The following SMAD6 variants were observed in gnomAD, a reference collection of about 807,000 sequenced individuals.
SMAD6 encodes the protein SMAD family member 6.
SMAD6 carries 103 observed loss-of-function variants against 39.4 expected under a neutral mutation model. That is an observed-to-expected ratio of 2.62 (90% CI 2.23 to 3.08). SMAD6 has a LOEUF of 3.08. SMAD6 is among the 30% of genes most tolerant of loss of function. The probability of loss-of-function intolerance (pLI) is 0.00; values close to 1 mark genes in which losing one functional copy is unlikely to be tolerated. For synonymous variants in SMAD6, 445 were observed against 353.3 expected (o/e 1.26, Z -2.91); for missense variants, 1,104 against 742.9 (o/e 1.49, Z -5.65).
chr15:66,734,390 C>T (rs1893679097), intron 3 of SMAD6, among the ~76,000 whole-genome samples: 1 of 152,198 alleles, frequency 6.6e-6, no homozygotes, highest in East Asian at 1.9e-4. Context: ...AAGCAACCTC[C>T]TCTCCCTTGG....
At chr15:66,735,355 G>A (rs1040762876) in intron 3 of SMAD6, among the ~76,000 whole-genome samples, 15 of 152,228 alleles carry the variant, frequency 9.9e-5, no homozygotes, top group African/African-American at 3.1e-4. Context: ...ATCAGGGAAG[G>A]AAGTCAAAAC....
At chr15:66,714,039 C>T (rs2140600274) in intron 2 of SMAD6, among the ~76,000 whole-genome samples, 1 of 152,290 alleles carries the variant, frequency 6.6e-6, no homozygotes, top group African/African-American at 2.4e-5. Context: ...CTCAGCATTT[C>T]CTAAGTCAGC....
chr15:66,758,082 G>A (rs564045726), intron 3 of SMAD6, among the ~76,000 whole-genome samples: 45 of 152,328 alleles, frequency 3.0e-4, no homozygotes, highest in African/African-American at 1.0e-3. Context: ...GCGGGTGGAC[G>A]CAGTGGCAGG....
At chr15:66,737,131 C>T (rs1893726616) in intron 3 of SMAD6, among the ~76,000 whole-genome samples, 1 of 152,258 alleles carries the variant, frequency 6.6e-6, no homozygotes, top group Admixed American at 6.5e-5. Context: ...CATCACTTCT[C>T]TTTTCAGCAT....
chr15:66,713,426 T>C (rs1893269225), intron 2 of SMAD6, among the ~76,000 whole-genome samples: 1 of 152,182 alleles, frequency 6.6e-6, no homozygotes, highest in Non-Finnish European at 1.5e-5. Flanking sequence ...TTCAAGCGAT[T>C]CTTCTGCCTC....
intron 3 of SMAD6, among the ~76,000 whole-genome samples, chr15:66,763,726 A>G (rs1595794891): frequency 6.6e-6 from 1 of 152,228 alleles, no homozygotes; most frequent in Admixed American, 6.5e-5. Flanking sequence ...TAAATCACCA[A>G]GGAAGCCACA....
In SMAD6 at chr15:66,748,220, T is replaced by A. The variant is rs1041370464; in HGVS notation, c.952+31722T>A. Among the ~76,000 whole-genome samples, 158 of 151,066 alleles carry A rather than the reference T, an allele frequency of 1.0e-3. 1 individual carries two copies. Among genetic ancestry groups the A allele is most frequent in the Middle Eastern group, 6.8e-3 (2 of 292 alleles). ...ATTTCTTCCCATTTTTTTTTTTTTT[T>A]AAATAAGGAGTAGCCCCAGAGAGAA... On this transcript the variant is annotated intron_variant, in intron 3 of 3. Transcript: ENST00000288840.
chr15:66,729,181 T>G (rs1893577648), intron 3 of SMAD6, among the ~76,000 whole-genome samples: 1 of 152,036 alleles, frequency 6.6e-6, no homozygotes, highest in South Asian at 2.1e-4. Context: ...CACACGGAGG[T>G]GGTGGCCATC....
intron 3 of SMAD6, among the ~76,000 whole-genome samples, chr15:66,761,077 C>G (rs1473405321): frequency 6.6e-6 from 1 of 152,152 alleles, no homozygotes; most frequent in East Asian, 1.9e-4. Flanking sequence ...CTCTTTAACC[C>G]TTTTATTTTT....
intron 2 of SMAD6, among the ~76,000 whole-genome samples, chr15:66,711,988 G>A (rs898246093): frequency 6.6e-6 from 1 of 152,174 alleles, no homozygotes; most frequent in Non-Finnish European, 1.5e-5. Flanking sequence ...TTTAAACATG[G>A]GCCTGTCGAA....
In SMAD6 at chr15:66,703,192, C is replaced by T; in HGVS notation, c.-67C>T. The T allele has an allele frequency of 8.2e-7, 1 of 1,226,458 alleles. No homozygotes were observed. The highest frequency in any genetic ancestry group is 3.2e-5 in the East Asian group (1 of 31,498). The allele number at this position is 1,226,458 out of a possible 1,614,324, so 76.0% of individuals were successfully genotyped here. A position where few individuals can be genotyped will look rare whatever the true frequency, so the allele number is the denominator to read the frequency against. On this transcript the variant is annotated 5_prime_UTR_variant, in exon 1 of 4. Transcript: ENST00000288840. ...TGCGACCCGCGCAGCCGGCGCCTCG[C>T]TGAGGGAACGGACCCCCGGTAACCG...
intron 2 of SMAD6, among the ~76,000 whole-genome samples, chr15:66,712,386 G>A (rs1893248895): frequency 6.6e-6 from 1 of 152,178 alleles, no homozygotes; most frequent in South Asian, 2.1e-4. Context: ...GTAGATGTAA[G>A]TGGTTTCAAA....
intron 3 of SMAD6, among the ~76,000 whole-genome samples, chr15:66,727,615 C>T (rs2140620642): frequency 6.6e-6 from 1 of 152,226 alleles, no homozygotes; most frequent in Non-Finnish European, 1.5e-5. Context: ...ATGAGCCCCA[C>T]AGGGAGAGGG....
rs184664111 is a variant in SMAD6 at position 66,733,152 on chromosome 15, A to G, written c.952+16654A>G. ...CTTTCTGGATTCTTAACTTTGTCCCATGGTCTACGTGTCTATCCTTTTACC... is the reference window on the plus strand; with the variant it reads ...CTTTCTGGATTCTTAACTTTGTCCCGTGGTCTACGTGTCTATCCTTTTACC... On this transcript the variant is annotated intron_variant, in intron 3 of 3. Coordinates refer to ENST00000288840, the MANE Select transcript of SMAD6 (RefSeq NM_005585.5). Among the ~76,000 whole-genome samples, 13 of 152,260 alleles carry G rather than the reference A, an allele frequency of 8.5e-5. 1 individual carries two copies. In the South Asian group the frequency reaches 2.3e-3, roughly 27 times the overall value.
chr15:66,715,563 G>A (rs780197316), intron 2 of SMAD6, among the ~76,000 whole-genome samples: 1 of 152,132 alleles, frequency 6.6e-6, no homozygotes, highest in Non-Finnish European at 1.5e-5. Context: ...GTCCCTTAAC[G>A]GGGACAACAC....
chr15:66,721,611 A>C (rs1044187600), intron 3 of SMAD6, among the ~76,000 whole-genome samples: 2 of 152,048 alleles, frequency 1.3e-5, no homozygotes, highest in Non-Finnish European at 2.9e-5. Flanking sequence ...CAGTTTTCTC[A>C]CTTGTAAAAT....
chr15:66,713,139 C>T (rs1384407619), intron 2 of SMAD6, among the ~76,000 whole-genome samples: 1 of 152,180 alleles, frequency 6.6e-6, no homozygotes, highest in Non-Finnish European at 1.5e-5. Context: ...TTGGCCCTGA[C>T]AGTACCAGGA....
At position 66,702,244 on chromosome 15, in the gene SMAD6, G is replaced by C. The variant is rs2140578115; in HGVS notation, c.-1015G>C. ...AAAGTGTCTAGACTGGCATATGATG[G>C]GAGGCAGCCAATGACTCCGCGGCGC... On this transcript the variant is annotated 5_prime_UTR_variant, in exon 1 of 4. Transcript: ENST00000288840. 1 of 152,394 alleles carries C rather than the reference G, an allele frequency of 6.6e-6. No individual in the cohort carries two copies. The highest frequency in any genetic ancestry group is 2.1e-4 in the South Asian group (1 of 4,830). The allele number at this position is 152,394 out of a possible 1,614,324, so 9.4% of individuals were successfully genotyped here.
At position 66,721,039 on chromosome 15, in the gene SMAD6, C is replaced by T. The variant is rs557427274; in HGVS notation, c.952+4541C>T. On this transcript the variant is annotated intron_variant, in intron 3 of 3. Coordinates refer to ENST00000288840, the MANE Select transcript of SMAD6 (RefSeq NM_005585.5). ...GCTGAGCTGGATGTGGGTATCTTTC[C>T]TCCACCAACCAGACTGTAAGCTCCT... Among the ~76,000 whole-genome samples the T allele has an allele frequency of 2.0e-5, 3 of 152,300 alleles. No individual in the cohort carries two copies. In the East Asian group the frequency reaches 5.8e-4, roughly 29 times the overall value.
Sources: gnomAD v4.1 joint callset for allele counts (sites outside exome capture counted in the v4.1 genomes callset) on GRCh38, gnomAD v4.1.1 for gene constraint, MANE v1.5 for transcripts, NCBI Gene and HGNC (gene_info 2026-07-23, HGNC 2026-07-21) for gene names.